Variants in LBX2 observed in about 807,000 individuals in gnomAD.
LBX2 encodes the protein transcription factor LBX2.
In LBX2, 6 loss-of-function variants were observed where a neutral mutation model predicts 7.5. The ratio of observed to expected loss-of-function variants is 0.80; its 90% CI spans 0.44 to 1.59. The LOEUF is 1.59. LBX2 is among the 40% of genes most tolerant of loss of function. The pLI is 0.01. For synonymous variants in LBX2, 143 were observed against 133.2 expected (o/e 1.07, Z -0.51); for missense variants, 281 against 282.0 (o/e 1.00, Z 0.03).
chr2:74,497,962 G>C lies in LBX2; in HGVS notation c.562C>G (p.His188Asp). ...ACCTGTATCTCCTCGTCTGACAGGT[G>C]GGGCCGGGAGTCAGGGCCGGCAGGG... ...LGPAGPDSRP[H>D]LSDEEIQVDD The change falls in exon 2 of 2, where the codon CAC (histidine) becomes GAC (aspartate). Residue 188 changes from histidine to aspartate, a missense_variant. Physicochemically the swap from His to Asp is moderately conservative, Grantham distance 81 (BLOSUM62 -1). Transcript: ENST00000377566. 1 of 1,598,320 alleles carries C rather than the reference G, an allele frequency of 6.3e-7. No individual in the cohort carries two copies. Among genetic ancestry groups the C allele is most frequent in the South Asian group, 1.1e-5 (1 of 89,900 alleles).
At chr2:74,499,688 C>G (rs1674444718), upstream of LBX2, 5 of 741,890 alleles carry the variant, frequency 6.7e-6, no homozygotes, top group Admixed American at 1.5e-4. The surrounding 1 kb of genome is among the most constrained non-coding windows in gnomAD (Gnocchi z 4.6). Flanking sequence ...CCTGCGCCCC[C>G]ACCTCTCCAC....
chr2:74,502,859 T>G (rs1417891253), upstream of LBX2: 4 of 1,594,868 alleles, frequency 2.5e-6, no homozygotes, highest in African/African-American at 4.0e-5. This position sits in a 1 kb window ranked among gnomAD's most constrained non-coding sequence, Gnocchi z 5.4. Flanking sequence ...CTTTTTCCCA[T>G]CAAGCCCTGG....
At position 74,497,573 on chromosome 2, in the gene LBX2, G is replaced by T; in HGVS notation, c.*354C>A. ...TTGGGAAAGTAGCCTGGACAACATA[G>T]CGGGACCTCCTCTCTAAAAAAAAAA... On this transcript the variant is annotated 3_prime_UTR_variant, in exon 2 of 2. Coordinates refer to ENST00000377566, the MANE Select transcript of LBX2 (RefSeq NM_001282430.2). The T allele has an allele frequency of 5.0e-6, 1 of 200,052 alleles. No individual in the cohort carries two copies. Among genetic ancestry groups the T allele is most frequent in the Non-Finnish European group, 1.0e-5 (1 of 99,322 alleles). The allele number at this position is 200,052 out of a possible 1,614,324, so 12.4% of individuals were successfully genotyped here.
upstream of LBX2, chr2:74,502,349 C>G: frequency 2.6e-6 from 1 of 382,628 alleles, no homozygotes; most frequent in Middle Eastern, 6.8e-4. This position sits in a 1 kb window ranked among gnomAD's most constrained non-coding sequence, Gnocchi z 5.4. Context: ...GCTCAATAAA[C>G]GACCTTTAGT....
chr2:74,499,806 G>A, upstream of LBX2: 5 of 551,738 alleles, frequency 9.1e-6, no homozygotes, highest in Non-Finnish European at 1.6e-5. This position sits in a 1 kb window ranked among gnomAD's most constrained non-coding sequence, Gnocchi z 4.6. Context: ...CCAGAGCAGG[G>A]CCACGGGGCT....
At chr2:74,502,657 G>A, upstream of LBX2, 1 of 1,613,612 alleles carries the variant, frequency 6.2e-7, no homozygotes, top group East Asian at 2.2e-5. This position sits in a 1 kb window ranked among gnomAD's most constrained non-coding sequence, Gnocchi z 5.4. Flanking sequence ...TTATATCTTA[G>A]TTTCGTGACT....
At chr2:74,500,647 A>G (rs537153417), upstream of LBX2, among the ~76,000 whole-genome samples, 109 of 152,336 alleles carry the variant, frequency 7.2e-4, no homozygotes, top group Admixed American at 1.8e-3. Context: ...TTCTGGGCTC[A>G]TACCTGGGTA....
Position 74,498,274 on chromosome 2 carries a change from T to A in LBX2, c.250A>T (p.Lys84Ter). The A allele has an allele frequency of 6.3e-7, 1 of 1,585,532 alleles. No individual in the cohort carries two copies. The part of the protein sequence containing the change: ...DALGPGPFGR[K>*]RRKSRTAFTA... ...AACGCAGTGCGTGACTTGCGCCGTT[T>A]GCGGCCGAAGGGACCAGGGCCCAGC... Residue 84 changes from lysine to a stop codon, truncating the protein, a stop_gained, in exon 2 of 2, where the codon AAA (lysine) becomes TAA (stop). Transcript: ENST00000377566. LOFTEE classifies it low-confidence loss of function (END_TRUNC).
chr2:74,503,209 G>A, upstream of LBX2: 1 of 241,092 alleles, frequency 4.1e-6, no homozygotes, highest in Non-Finnish European at 8.0e-6. The surrounding 1 kb of genome is among the most constrained non-coding windows in gnomAD (Gnocchi z 5.1). Flanking sequence ...ACGGAGACCC[G>A]AGTGACCCCG....
chr2:74,499,688 C>T, upstream of LBX2: 1 of 741,890 alleles, frequency 1.3e-6, no homozygotes, highest in Admixed American at 2.9e-5. The surrounding 1 kb of genome is among the most constrained non-coding windows in gnomAD (Gnocchi z 4.6). Flanking sequence ...CCTGCGCCCC[C>T]ACCTCTCCAC....
chr2:74,498,563 G>C (rs933108906), intron 1 of LBX2: 1 of 538,582 alleles, frequency 1.9e-6, no homozygotes, highest in Non-Finnish European at 3.3e-6. Context: ...GTAGGGGCAA[G>C]GAAGTGAAGG....
chr2:74,498,091 C>G lies in LBX2; in HGVS notation c.433G>C (p.Glu145Gln). The change falls in exon 2 of 2, where the codon GAG (glutamate) becomes CAG (glutamine). Residue 145 changes from glutamate to glutamine, a missense_variant. Coordinates refer to ENST00000377566, the MANE Select transcript of LBX2 (RefSeq NM_001282430.2). ...GAGGCGACGTCGGCGCGCATCTCCTCCACATCGCGCTTGAGCTTGGCTCGC... is the reference window on the plus strand; with the variant it reads ...GAGGCGACGTCGGCGCGCATCTCCTGCACATCGCGCTTGAGCTTGGCTCGC... ...NRRAKLKRDV[E>Q]EMRADVASLR... The G allele has an allele frequency of 6.2e-7, 1 of 1,613,336 alleles. No homozygotes were observed. The highest frequency in any genetic ancestry group is 1.1e-5 in the South Asian group (1 of 91,026).
Position 74,499,583 on chromosome 2 carries a change from C to A in LBX2, c.-46G>T. 1 of 1,523,676 alleles carries A rather than the reference C, an allele frequency of 6.6e-7. No homozygotes were observed. The highest frequency in any genetic ancestry group is 8.9e-7 in the Non-Finnish European group (1 of 1,129,592). The allele number at this position is 1,523,676 out of a possible 1,614,324, so 94.4% of individuals were successfully genotyped here. ...TCCGGCTGTCCGTTGCGCTAGGCTC[C>A]GCAAACGCCTGGGCCCCAGTGCTCG... On this transcript the variant is annotated 5_prime_UTR_variant, in exon 1 of 2. Transcript: ENST00000377566. The surrounding 1 kb of genome is among the most constrained non-coding windows in gnomAD (Gnocchi z 4.6).
rs943177735 is a variant in LBX2, at chr2:74,497,704, G to A, written c.*223C>T. 2 of 502,662 alleles carry A rather than the reference G, an allele frequency of 4.0e-6. No homozygotes were observed. Among genetic ancestry groups the A allele is most frequent in the Admixed American group, 3.8e-5 (1 of 26,294 alleles). The allele number at this position is 502,662 out of a possible 1,614,324, so 31.1% of individuals were successfully genotyped here. Reference sequence around the variant, plus strand: ...GCCCAGGAGGTCGCGACTGCAGTGAGCGGTGATCGCTCCACGGCACTCCAG... The same window carrying A: ...GCCCAGGAGGTCGCGACTGCAGTGAACGGTGATCGCTCCACGGCACTCCAG... On this transcript the variant is annotated 3_prime_UTR_variant, in exon 2 of 2. Transcript: ENST00000377566.
At chr2:74,502,297 G>GACCCCGGTGGAGGTCCC (rs1259987480), upstream of LBX2, 6 of 241,462 alleles carry the variant, frequency 2.5e-5, 1 homozygote, top group East Asian at 6.1e-4. This position sits in a 1 kb window ranked among gnomAD's most constrained non-coding sequence, Gnocchi z 5.4. Flanking sequence ...ACCCCGGGCC[G>GACCCCGGTGGAGGTCCC]CCCCCGCTCG....
rs768951681 is a variant in LBX2 at position 74,498,175 on chromosome 2, C to G, written c.349G>C (p.Gly117Arg). ...QKYLAPSERD[G>R]LATRLGLANA... ...GCCAGGCCGAGTCGCGTAGCTAGCC[C>G]GTCTCGCTCGGACGGCGCCAGGTAC... is the stretch of plus-strand genomic sequence containing the variant. Residue 117 changes from glycine (G) to arginine (R), a missense_variant, in exon 2 of 2, where the codon GGG (glycine) becomes CGG (arginine). By Grantham distance (125) the Gly-to-Arg change is moderately radical. This residue lies in a region of LBX2 where 216 missense variants were observed against 208.7 expected (regional missense o/e 1.03). Coordinates refer to ENST00000377566, the MANE Select transcript of LBX2 (RefSeq NM_001282430.2). 4 of 1,612,438 alleles carry G rather than the reference C, an allele frequency of 2.5e-6. No individual in the cohort carries two copies. Among genetic ancestry groups the G allele is most frequent in the Non-Finnish European group, 3.4e-6 (4 of 1,179,530 alleles).
upstream of LBX2, chr2:74,501,488 ATTAC>A (rs1674482819): frequency 1.3e-5 from 2 of 152,276 alleles, no homozygotes; most frequent in Admixed American, 1.3e-4. Flanking sequence ...TCTGCTCTCA[ATTAC>A]TTACGTGTGT....
upstream of LBX2, among the ~76,000 whole-genome samples, chr2:74,499,874 G>A (rs1222321130): frequency 6.6e-6 from 1 of 152,208 alleles, no homozygotes; most frequent in Non-Finnish European, 1.5e-5. The surrounding 1 kb of genome is among the most constrained non-coding windows in gnomAD (Gnocchi z 4.6). Context: ...ACCTCCAGAC[G>A]CTGTATGCCG....
chr2:74,498,613 GGGGT>G, intron 1 of LBX2: 1 of 445,080 alleles, frequency 2.2e-6, no homozygotes, highest in South Asian at 4.3e-5. Context: ...CAAACCTTCT[GGGGT>G]GGAGCCTTTG....
Sources: gnomAD v4.1 joint callset for allele counts (sites outside exome capture counted in the v4.1 genomes callset) on GRCh38, gnomAD v4.1.1 for gene constraint, gnomAD v4.1.1 regional missense constraint, Gnocchi (gnomAD v3.1) non-coding constraint, MANE v1.5 for transcripts, NCBI Gene and HGNC (gene_info 2026-07-23, HGNC 2026-07-21) for gene names.